The following ZNF324 variants were observed in gnomAD, a reference collection of about 807,000 sequenced individuals.
ZNF324 encodes zinc finger protein 324.
A neutral mutation model predicts 10.3 loss-of-function variants in ZNF324; 3 were observed. That is an observed-to-expected ratio of 0.29 (90% CI 0.13 to 0.75). The LOEUF is 0.75. Ranked by LOEUF, ZNF324 falls within the 30% of genes least tolerant of loss-of-function variation. The probability of loss-of-function intolerance (pLI) is 0.69; values close to 1 mark genes in which losing one functional copy is unlikely to be tolerated. For missense variants in ZNF324, 763 were observed against 784.4 expected (o/e 0.97, Z 0.33); for synonymous variants, 430 against 339.5 (o/e 1.27, Z -2.93).
At chr19:58,467,308 G>C (rs1480034716) in intron 1 of ZNF324, 125 bp downstream of exon 1, 2 of 152,320 alleles carry the variant, frequency 1.3e-5, no homozygotes, top group South Asian at 2.1e-4. Flanking sequence ...GGGGACTGTC[G>C]GGCCGCGGCG....
In ZNF324 at chr19:58,473,496, CAGCCTCTTGTCCCTACTCCAGAGCAT is replaced by C. The variant is rs2053056519; in HGVS notation, c.*1343_*1368del. ...TACAGCAGTTTGGACCTCCAGAGCACAGCCTCTTGTCCCTACTCCAGAGCATGGTTCAGTCTTAATAGCAGTTCAAG... is the reference window on the plus strand; with the variant it reads ...TACAGCAGTTTGGACCTCCAGAGCACGGTTCAGTCTTAATAGCAGTTCAAG... On this transcript the variant is annotated 3_prime_UTR_variant, in exon 4 of 4. Transcript: ENST00000196482. The C allele has an allele frequency of 6.6e-6, 1 of 151,854 alleles. No individual in the cohort carries two copies. The highest frequency in any genetic ancestry group is 6.6e-5 in the Admixed American group (1 of 15,254). 9.4% of individuals were successfully genotyped at this position (151,854 alleles called of 1,614,324 possible). A position where few individuals can be genotyped will look rare whatever the true frequency, so the allele number is the denominator to read the frequency against.
chr19:58,472,566 G>A lies in ZNF324; in HGVS notation c.*412G>A, dbSNP rs1332520016. The A allele has an allele frequency of 5.7e-6, 1 of 176,756 alleles. No homozygotes were observed. The highest frequency in any genetic ancestry group is 1.6e-4 in the East Asian group (1 of 6,398). The allele number at this position is 176,756 out of a possible 1,614,324, so 10.9% of individuals were successfully genotyped here. ...ACAGCTGTACACAAACTGGCCGCTG[G>A]AGAGATGCCCGCTGAGGGTATTCTC... On this transcript the variant is annotated 3_prime_UTR_variant, in exon 4 of 4. Transcript: ENST00000196482.
At position 58,471,782 on chromosome 19, in the gene ZNF324, C is replaced by T. The variant is rs779444706; in HGVS notation, c.1290C>T (p.Cys430=). Residue 430 remains cysteine, a synonymous_variant, in exon 4 of 4, where the codon TGC becomes TGT. Transcript: ENST00000196482. Reference sequence around the variant, plus strand: ...AGAAGCCCTTCGCCTGCCCACAGTGCGGCCGCGCCTTTAGCCACAGCTCCA... The same window carrying T: ...AGAAGCCCTTCGCCTGCCCACAGTGTGGCCGCGCCTTTAGCCACAGCTCCA... ...TGEKPFACPQ[C]GRAFSHSSNL... is the part of the protein sequence containing the mutation. 22 of 1,612,700 alleles carry T rather than the reference C, an allele frequency of 1.4e-5. No individual in the cohort carries two copies. The highest frequency in any genetic ancestry group is 4.0e-5 in the African/African-American group (3 of 74,910).
At position 58,474,805 on chromosome 19, in the gene ZNF324, G is replaced by A. The variant is rs1198530364; in HGVS notation, c.*2651G>A. On this transcript the variant is annotated 3_prime_UTR_variant, in exon 4 of 4. Transcript: ENST00000196482. ...ATGAGGATGGTGACAGAGGAGTCAG[G>A]AGCAATGGCATTCCTAAGCTAGAAG... is the stretch of plus-strand genomic sequence containing the variant. 6.6e-6 allele frequency: 1 copy of A among 152,290 alleles called. No individual in the cohort carries two copies. The highest frequency in any genetic ancestry group is 1.9e-4 in the East Asian group (1 of 5,192). 9.4% of individuals were successfully genotyped at this position (152,290 alleles called of 1,614,324 possible).
rs1185018520 is a variant in ZNF324, at chr19:58,475,310, T to C, written c.*3156T>C. 1 of 152,210 alleles carries C rather than the reference T, an allele frequency of 6.6e-6. No homozygotes were observed. The highest frequency in any genetic ancestry group is 1.5e-5 in the Non-Finnish European group (1 of 68,034). 9.4% of individuals were successfully genotyped at this position (152,210 alleles called of 1,614,324 possible). A position where few individuals can be genotyped will look rare whatever the true frequency, so the allele number is the denominator to read the frequency against. ...GTAATGGCTCGGCCACTTTTAAGTGTGGAAGCAAAACTGACCCCACAGATT... is the reference window on the plus strand; with the variant it reads ...GTAATGGCTCGGCCACTTTTAAGTGCGGAAGCAAAACTGACCCCACAGATT... On this transcript the variant is annotated 3_prime_UTR_variant, in exon 4 of 4. Coordinates refer to ENST00000196482, the MANE Select transcript of ZNF324 (RefSeq NM_014347.3).
Position 58,469,883 on chromosome 19 carries a change from C to A in ZNF324, c.238+39C>A, listed in dbSNP as rs985145024. On this transcript the variant is annotated intron_variant, in intron 3 of 3. Coordinates refer to ENST00000196482, the MANE Select transcript of ZNF324 (RefSeq NM_014347.3). ...CAGGGTGGGGTGAATTCAGGACCAA[C>A]CTGTGGTCATGCCTCTGTCCCTGGT... 1.1e-5 allele frequency: 17 copies of A among 1,518,622 alleles called. No individual in the cohort carries two copies. The African/African-American group carries it at 1.6e-4, about 15-fold the overall frequency. The allele number at this position is 1,518,622 out of a possible 1,614,324, so 94.1% of individuals were successfully genotyped here.
chr19:58,470,488 C>T (rs1410586679), intron 3 of ZNF324: 2 of 629,752 alleles, frequency 3.2e-6, no homozygotes, highest in Non-Finnish European at 5.7e-6. Flanking sequence ...TCCTCAGCTT[C>T]ACATCCTGGG....
intron 3 of ZNF324, 73 bp downstream of exon 3, chr19:58,469,917 TC>T: frequency 8.1e-7 from 1 of 1,236,022 alleles, no homozygotes; most frequent in South Asian, 1.3e-5. Flanking sequence ...GTTCCCAGAC[TC>T]CCCAGAAGCA....
chr19:58,468,022 C>T (rs539271894), intron 1 of ZNF324, among the ~76,000 whole-genome samples: 1 of 152,010 alleles, frequency 6.6e-6, no homozygotes, highest in Admixed American at 6.6e-5. Flanking sequence ...CAGGTGAATT[C>T]TGGTGGATCT....
chr19:58,471,811 T>G lies in ZNF324; in HGVS notation c.1319T>G (p.Leu440Arg). Residue 440 changes from leucine (L) to arginine (R), a missense_variant, in exon 4 of 4, where the codon CTC (leucine) becomes CGC (arginine). Physicochemically the swap from Leu to Arg is moderately radical, Grantham distance 102. Around this residue, in one of 3 missense-constraint regions of ZNF324, gnomAD observed 231 missense variants for 196.0 expected, o/e 1.18. Transcript: ENST00000196482. ...CGCGCCTTTAGCCACAGCTCCAACC[T>G]CACCCAGCACCAGCTCCTGCACACG... ...CGRAFSHSSN[L>R]TQHQLLHTGE... The G allele has an allele frequency of 6.2e-7, 1 of 1,613,114 alleles. No individual in the cohort carries two copies. Among genetic ancestry groups the G allele is most frequent in the Non-Finnish European group, 8.5e-7 (1 of 1,179,864 alleles).
At chr19:58,469,430 T>C (rs1255363055) in intron 2 of ZNF324, 124 bp downstream of exon 2, 2 of 1,331,678 alleles carry the variant, frequency 1.5e-6, no homozygotes, top group East Asian at 2.4e-5. Context: ...CCATGTGGAA[T>C]AGGGGTCTGG....
chr19:58,471,000 G>A lies in ZNF324; in HGVS notation c.508G>A (p.Glu170Lys), dbSNP rs2122413706. The stretch of plus-strand genomic sequence containing the variant: ...ACTGACCTCCCCGCTTAGGCCTCCC[G>A]AGGGCGTCCGGCTTAGAGAAAAGAC... ...LRLTSPLRPP[E>K]GVRLREKTLT... Residue 170 changes from glutamate to lysine, a missense_variant, in exon 4 of 4, where the codon GAG (glutamate) becomes AAG (lysine). By Grantham distance (56) the Glu-to-Lys change is moderately conservative. Around this residue, in one of 3 missense-constraint regions of ZNF324, gnomAD observed 379 missense variants for 319.4 expected, o/e 1.19. Transcript: ENST00000196482. The A allele has an allele frequency of 1.2e-6, 2 of 1,614,164 alleles. No individual in the cohort carries two copies. Among genetic ancestry groups the A allele is most frequent in the East Asian group, 2.2e-5 (1 of 44,870 alleles).
Position 58,472,382 on chromosome 19 carries a change from C to T in ZNF324, c.*228C>T, listed in dbSNP as rs907744187. 5.4e-6 allele frequency: 3 copies of T among 559,552 alleles called. No individual in the cohort carries two copies. The highest frequency in any genetic ancestry group is 1.9e-5 in the African/African-American group (1 of 53,422). The allele number at this position is 559,552 out of a possible 1,614,324, so 34.7% of individuals were successfully genotyped here. On this transcript the variant is annotated 3_prime_UTR_variant, in exon 4 of 4. Transcript: ENST00000196482. ...CACTGCAGCAACATCAGGGGGAGGACGTGGTGGCTGAACTCTAGTGGGGCC... is the reference window on the plus strand; with the variant it reads ...CACTGCAGCAACATCAGGGGGAGGATGTGGTGGCTGAACTCTAGTGGGGCC...
Position 58,471,766 on chromosome 19 carries a change from T to G in ZNF324, c.1274T>G (p.Phe425Cys), listed in dbSNP as rs2053035665. The G allele has an allele frequency of 1.2e-6, 2 of 1,612,912 alleles. No individual in the cohort carries two copies. Among genetic ancestry groups the G allele is most frequent in the Non-Finnish European group, 1.7e-6 (2 of 1,179,752 alleles). ...CGCGTGCACACAGGCGAGAAGCCCT[T>G]CGCCTGCCCACAGTGCGGCCGCGCC... ...HQRVHTGEKP[F>C]ACPQCGRAFS... The change falls in exon 4 of 4, where the codon TTC becomes TGC. Residue 425 changes from phenylalanine (F) to cysteine (C), a missense_variant. Coordinates refer to ENST00000196482, the MANE Select transcript of ZNF324 (RefSeq NM_014347.3).
chr19:58,471,115 G>T lies in ZNF324; in HGVS notation c.623G>T (p.Gly208Val). The stretch of plus-strand genomic sequence containing the variant: ...CAGGAGGTCCCTGGGAGAACCTTTG[G>T]GAGCGCCCAGGACCTGGAGGCTGCC... ...CAQEVPGRTF[G>V]SAQDLEAAGG... The change falls in exon 4 of 4, where the codon GGG becomes GTG. Residue 208 changes from glycine to valine, a missense_variant. Transcript: ENST00000196482. 1 of 1,613,830 alleles carries T rather than the reference G, an allele frequency of 6.2e-7. No individual in the cohort carries two copies. The highest frequency in any genetic ancestry group is 8.5e-7 in the Non-Finnish European group (1 of 1,180,024).
At position 58,472,186 on chromosome 19, in the gene ZNF324, A is replaced by G; in HGVS notation, c.*32A>G. 1.3e-6 allele frequency: 2 copies of G among 1,534,798 alleles called. No homozygotes were observed. Among genetic ancestry groups the G allele is most frequent in the Non-Finnish European group, 1.8e-6 (2 of 1,142,168 alleles). ...AGGTTGCAGCCCTGGCCTTCTGTGA[A>G]TCCCTTCCACAGCTAAAGGGCATAT... On this transcript the variant is annotated 3_prime_UTR_variant, in exon 4 of 4. Transcript: ENST00000196482.
At position 58,469,891 on chromosome 19, in the gene ZNF324, C is replaced by T. The variant is rs748359592; in HGVS notation, c.238+47C>T. The T allele has an allele frequency of 3.7e-5, 55 of 1,478,482 alleles. No individual in the cohort carries two copies. In the Middle Eastern group the frequency reaches 7.2e-4, roughly 19 times the overall value. 91.6% of individuals were successfully genotyped at this position (1,478,482 alleles called of 1,614,324 possible). ...GGTGAATTCAGGACCAACCTGTGGT[C>T]ATGCCTCTGTCCCTGGTTCCCAGAC... On this transcript the variant is annotated intron_variant, in intron 3 of 3. Coordinates refer to ENST00000196482, the MANE Select transcript of ZNF324 (RefSeq NM_014347.3).
chr19:58,473,532 T>TTAA lies in ZNF324; in HGVS notation c.*1381_*1383dup, dbSNP rs1334076601. On this transcript the variant is annotated 3_prime_UTR_variant, in exon 4 of 4. Transcript: ENST00000196482. Reference sequence around the variant, plus strand: ...CCCTACTCCAGAGCATGGTTCAGTCTTAATAGCAGTTCAAGAGCTTCTCTG... The same window carrying TTAA: ...CCCTACTCCAGAGCATGGTTCAGTCTTAATAATAGCAGTTCAAGAGCTTCTCTG... The TTAA allele has an allele frequency of 6.6e-6, 1 of 152,232 alleles. No homozygotes were observed. Among genetic ancestry groups the TTAA allele is most frequent in the Admixed American group, 6.5e-5 (1 of 15,282 alleles). 9.4% of individuals were successfully genotyped at this position (152,232 alleles called of 1,614,324 possible).
Position 58,469,740 on chromosome 19 carries a change from C to G in ZNF324, c.134C>G (p.Ser45Cys), listed in dbSNP as rs944247684. The change falls in exon 3 of 4, where the codon TCT (serine) becomes TGT (cysteine). Residue 45 changes from serine to cysteine, a missense_variant. Transcript: ENST00000196482. ...CTCCTCCTCACAGGACTCTCCACCT[C>G]TCGACCTCGTGTGGTCATCCAACTG... ...ALVASLGLST[S>C]RPRVVIQLER... The G allele has an allele frequency of 6.3e-7, 1 of 1,576,674 alleles. No homozygotes were observed. The highest frequency in any genetic ancestry group is 1.3e-5 in the African/African-American group (1 of 74,254).
Sources: gnomAD v4.1 joint callset for allele counts (sites outside exome capture counted in the v4.1 genomes callset) on GRCh38, gnomAD v4.1.1 for gene constraint, gnomAD v4.1.1 regional missense constraint, MANE v1.5 for transcripts, NCBI Gene and HGNC (gene_info 2026-07-23, HGNC 2026-07-21) for gene names.